The following LRP3 variants were observed in gnomAD, a reference collection of about 807,000 sequenced individuals.
The protein encoded by LRP3 is LDL receptor related protein 3.
Under a neutral mutation model 58.5 loss-of-function variants are expected in LRP3, and 49 were observed. The ratio of observed to expected loss-of-function variants is 0.84; its 90% CI spans 0.67 to 1.06. The LOEUF is 1.06. LRP3 is among the 50% of genes least tolerant of loss of function. LRP3 has a pLI of 0.00. For synonymous variants in LRP3, 485 were observed against 492.2 expected (o/e 0.99, Z 0.20); for missense variants, 1,019 against 1,134.2 (o/e 0.90, Z 1.46).
intron 1 of LRP3, 50 bp downstream of exon 1, chr19:33,194,908 C>T: frequency 1.0e-6 from 1 of 982,942 alleles, no homozygotes; most frequent in Non-Finnish European, 1.3e-6. Context: ...GCATGGCAGT[C>T]CGCGCCGCGC....
chr19:33,194,888 C>A, intron 1 of LRP3, 30 bp downstream of exon 1: 1 of 1,094,592 alleles, frequency 9.1e-7, no homozygotes, highest in Non-Finnish European at 1.1e-6. Context: ...CGGGCAGGTC[C>A]GGGTCCCCCG....
chr19:33,205,573 C>G lies in LRP3; in HGVS notation c.803C>G (p.Pro268Arg). 1.2e-6 allele frequency: 2 copies of G among 1,608,350 alleles called. No homozygotes were observed. The highest frequency in any genetic ancestry group is 1.7e-6 in the Non-Finnish European group (2 of 1,178,798). Residue 268 changes from proline (P) to arginine (R), a missense_variant, in exon 5 of 7, where the codon CCA becomes CGA. By Grantham distance (103) the Pro-to-Arg change is moderately radical. This residue lies in a region of LRP3 where 592 missense variants were observed against 725.5 expected (regional missense o/e 0.82). Coordinates refer to ENST00000253193, the MANE Select transcript of LRP3 (RefSeq NM_002333.4). Reference sequence around the variant, plus strand: ...AGCTTCTACGGCTCCTTTGCCTCCCCAGACCTGTTCGGCGCCGCTCGCGGG... The same window carrying G: ...AGCTTCTACGGCTCCTTTGCCTCCCGAGACCTGTTCGGCGCCGCTCGCGGG... ...LGSFYGSFAS[P>R]DLFGAARGPS...
At position 33,196,703 on chromosome 19, in the gene LRP3, CT is replaced by C; in HGVS notation, c.74-26del. On this transcript the variant is annotated intron_variant, in intron 1 of 6. Transcript: ENST00000253193. Reference sequence around the variant, plus strand: ...GGTCCCCAGCAGGTATGTGGGACCCCTGACCCTTTCTTTGTATCTCCCACAG... The same window carrying C: ...GGTCCCCAGCAGGTATGTGGGACCCCGACCCTTTCTTTGTATCTCCCACAG... 2.5e-6 allele frequency: 4 copies of C among 1,613,520 alleles called. No individual in the cohort carries two copies. In the South Asian group the frequency reaches 3.3e-5, roughly 13 times the overall value.
rs1373059095 is a variant in LRP3 at position 33,202,839 on chromosome 19, TC to T, written c.122-6del. On this transcript the variant is annotated splice_polypyrimidine_tract_variant and splice_region_variant and intron_variant, in intron 2 of 6. Transcript: ENST00000253193. The stretch of plus-strand genomic sequence containing the variant: ...TGGGCCGGCCTTTCTCGGCCTCCTC[TC>T]CCGACAGCGGCCTGCAGTGGGAAGC... 6.2e-7 allele frequency: 1 copy of T among 1,603,960 alleles called. No homozygotes were observed. Among genetic ancestry groups the T allele is most frequent in the South Asian group, 1.1e-5 (1 of 89,894 alleles).
rs1478537590 is a variant in LRP3 at position 33,207,039 on chromosome 19, C to A, written c.1777C>A (p.His593Asn). ...RTAMRRQMRR[H>N]ASRRGPSRRR... ...AGCCATGCGGAGACAGATGCGTCGG[C>A]ACGCCTCCCGCCGGGGGCCCTCCCG... The change falls in exon 7 of 7, where the codon CAC becomes AAC. Residue 593 changes from histidine (H) to asparagine (N), a missense_variant. His to Asn is a moderately conservative substitution (Grantham distance 68, BLOSUM62 1). Coordinates refer to ENST00000253193, the MANE Select transcript of LRP3 (RefSeq NM_002333.4). The A allele has an allele frequency of 4.0e-6, 6 of 1,482,580 alleles. No homozygotes were observed. Among genetic ancestry groups the A allele is most frequent in the Non-Finnish European group, 8.9e-7 (1 of 1,122,262 alleles). The allele number at this position is 1,482,580 out of a possible 1,614,324, so 91.8% of individuals were successfully genotyped here.
In LRP3 at chr19:33,206,378, G is replaced by A. The variant is rs779314675; in HGVS notation, c.1592+16G>A. The A allele has an allele frequency of 1.4e-5, 22 of 1,602,764 alleles. No homozygotes were observed. Among genetic ancestry groups the A allele is most frequent in the African/African-American group, 2.7e-5 (2 of 74,912 alleles). On this transcript the variant is annotated intron_variant, in intron 5 of 6. Transcript: ENST00000253193. ...AGGAATACAGGTGGGCGCTGTGCCC[G>A]CAGCCAGGGGACCGGGCTTCTTCAT... is the stretch of plus-strand genomic sequence containing the variant.
In LRP3 at chr19:33,207,257, C is replaced by A; in HGVS notation, c.1995C>A (p.Asp665Glu). 2 of 1,553,024 alleles carry A rather than the reference C, an allele frequency of 1.3e-6. No individual in the cohort carries two copies. The highest frequency in any genetic ancestry group is 1.2e-5 in the South Asian group (1 of 83,942). ...MDTGSTRAAG[D>E]RPPSAPGRAP... ...CAGGCAGCACCAGGGCGGCCGGAGA[C>A]AGGCCCCCCAGTGCCCCCGGCCGTG... Residue 665 changes from aspartate (D) to glutamate (E), a missense_variant, in exon 7 of 7, where the codon GAC becomes GAA. Asp to Glu is a conservative substitution (Grantham distance 45, BLOSUM62 2). This residue lies in a region of LRP3 where 427 missense variants were observed against 408.6 expected (regional missense o/e 1.04). Transcript: ENST00000253193.
chr19:33,197,917 G>C (rs886142295), intron 2 of LRP3, among the ~76,000 whole-genome samples: 8 of 152,176 alleles, frequency 5.3e-5, no homozygotes, highest in Non-Finnish European at 1.2e-4. Flanking sequence ...TCAGGAGCCC[G>C]GCCTCCTCTG....
chr19:33,199,128 G>A (rs1018344458), intron 2 of LRP3, among the ~76,000 whole-genome samples: 2 of 151,958 alleles, frequency 1.3e-5, no homozygotes, highest in African/African-American at 4.8e-5. Flanking sequence ...CAACACCTCC[G>A]AACCCCTCCC....
chr19:33,198,088 G>A (rs886346134), intron 2 of LRP3, among the ~76,000 whole-genome samples: 1 of 152,166 alleles, frequency 6.6e-6, no homozygotes, highest in Non-Finnish European at 1.5e-5. Context: ...TGTGGCCATG[G>A]TAGAGTCAGG....
chr19:33,200,761 A>G (rs1398035336), intron 2 of LRP3, among the ~76,000 whole-genome samples: 1 of 152,200 alleles, frequency 6.6e-6, no homozygotes, highest in Non-Finnish European at 1.5e-5. Flanking sequence ...GGGCAGGATC[A>G]GAGGCTCATT....
Position 33,202,732 on chromosome 19 carries a change from T to G in LRP3, c.122-116T>G. On this transcript the variant is annotated intron_variant, in intron 2 of 6. Transcript: ENST00000253193. ...GCCTTGCCCTTGGCCATGGCCACCCTTGGCTGGACTCGATCCCACCATGGG... is the reference window on the plus strand; with the variant it reads ...GCCTTGCCCTTGGCCATGGCCACCCGTGGCTGGACTCGATCCCACCATGGG... 11 of 1,259,214 alleles carry G rather than the reference T, an allele frequency of 8.7e-6. 1 individual carries two copies. The South Asian group carries it at 1.6e-4, about 18-fold the overall frequency. 78.0% of individuals were successfully genotyped at this position (1,259,214 alleles called of 1,614,324 possible). A position where few individuals can be genotyped will look rare whatever the true frequency, so the allele number is the denominator to read the frequency against.
In LRP3 at chr19:33,196,795, C is replaced by T. The variant is rs776930614; in HGVS notation, c.121+18C>T. On this transcript the variant is annotated intron_variant, in intron 2 of 6. Coordinates refer to ENST00000253193, the MANE Select transcript of LRP3 (RefSeq NM_002333.4). ...TGCCTTAGGTAAGTAAGCACTTTCTCTCCTTCCTCCACTCCTTCAGTCCCT... is the reference window on the plus strand; with the variant it reads ...TGCCTTAGGTAAGTAAGCACTTTCTTTCCTTCCTCCACTCCTTCAGTCCCT... 2 of 1,613,140 alleles carry T rather than the reference C, an allele frequency of 1.2e-6. No homozygotes were observed. The highest frequency in any genetic ancestry group is 2.2e-5 in the South Asian group (2 of 91,060).
intron 1 of LRP3, 63 bp downstream of exon 1, chr19:33,194,921 T>C: frequency 2.3e-6 from 2 of 867,686 alleles, no homozygotes; most frequent in East Asian, 6.0e-5. Flanking sequence ...CGCCGCGCCC[T>C]GACCGACCTC....
rs537958313 is a variant in LRP3 at position 33,207,801 on chromosome 19, A to ACACAAG, written c.*230_*235dup. 882 of 558,308 alleles carry ACACAAG rather than the reference A, an allele frequency of 1.6e-3. 6 individuals carry two copies. Among genetic ancestry groups the ACACAAG allele is most frequent in the African/African-American group, 0.015 (768 of 51,762 alleles). 34.6% of individuals were successfully genotyped at this position (558,308 alleles called of 1,614,324 possible). The stretch of plus-strand genomic sequence containing the variant: ...GAGCCCGTCTGCAGGGTCCCATTGT[A>ACACAAG]CACAAGCACCCTGGGGTCTCACTTC... On this transcript the variant is annotated 3_prime_UTR_variant, in exon 7 of 7. Coordinates refer to ENST00000253193, the MANE Select transcript of LRP3 (RefSeq NM_002333.4).
At chr19:33,195,903 G>A (rs978042725) in intron 1 of LRP3, among the ~76,000 whole-genome samples, 1 of 152,166 alleles carries the variant, frequency 6.6e-6, no homozygotes, top group Non-Finnish European at 1.5e-5. Flanking sequence ...GCTCTGTCCA[G>A]GGGGCCTGGG....
Position 33,207,756 on chromosome 19 carries a change from G to GT in LRP3, c.*181_*182insT. 1.7e-6 allele frequency: 1 copy of GT among 598,928 alleles called. No homozygotes were observed. The highest frequency in any genetic ancestry group is 3.0e-6 in the Non-Finnish European group (1 of 337,408). The allele number at this position is 598,928 out of a possible 1,614,324, so 37.1% of individuals were successfully genotyped here. On this transcript the variant is annotated 3_prime_UTR_variant, in exon 7 of 7. Coordinates refer to ENST00000253193, the MANE Select transcript of LRP3 (RefSeq NM_002333.4). ...GGGAGCTGTGGGACTGAACGGCGGG[G>GT]GGGAGAAGAGTGGAGTGGTGAGCCC...
At position 33,204,862 on chromosome 19, in the gene LRP3, G is replaced by A. The variant is rs189318036; in HGVS notation, c.475+10G>A. On this transcript the variant is annotated intron_variant, in intron 4 of 6. Coordinates refer to ENST00000253193, the MANE Select transcript of LRP3 (RefSeq NM_002333.4). The stretch of plus-strand genomic sequence containing the variant: ...CTGTCTTACATCCGAGGTGATGGAG[G>A]CTGCAGGGCAGGCAGGACACCACGG... The A allele has an allele frequency of 8.1e-6, 13 of 1,611,476 alleles. No individual in the cohort carries two copies. The highest frequency in any genetic ancestry group is 1.7e-4 in the Middle Eastern group (1 of 6,058).
At chr19:33,195,462 G>A (rs1974276180) in intron 1 of LRP3, among the ~76,000 whole-genome samples, 1 of 152,226 alleles carries the variant, frequency 6.6e-6, no homozygotes, top group Non-Finnish European at 1.5e-5. Flanking sequence ...CTGTCCGGGA[G>A]TTTTTCTGTC....
Sources: gnomAD v4.1 joint callset for allele counts (sites outside exome capture counted in the v4.1 genomes callset) on GRCh38, gnomAD v4.1.1 for gene constraint, gnomAD v4.1.1 regional missense constraint, MANE v1.5 for transcripts, NCBI Gene and HGNC (gene_info 2026-07-23, HGNC 2026-07-21) for gene names.